The following FN1 variants were observed in gnomAD, a reference collection of about 807,000 sequenced individuals.
FN1 encodes fibronectin 1.
Under a neutral mutation model 297.3 loss-of-function variants are expected in FN1, and 106 were observed. The ratio of observed to expected loss-of-function variants is 0.36; its 90% confidence interval spans 0.30 to 0.42. The LOEUF is 0.42. Among genes scored for constraint, FN1 ranks in the 10% least tolerant of loss-of-function variants. FN1 has a pLI of 1.00. For missense variants in FN1, 2,690 were observed against 3,124.9 expected (o/e 0.86, Z 3.32); for synonymous variants, 1,149 against 1,152.6 (o/e 1.00, Z 0.06).
intron 33 of FN1, chr2:215,380,248 TC>T (rs1353750171): frequency 6.3e-6 from 1 of 159,154 alleles, no homozygotes; most frequent in Non-Finnish European, 1.4e-5. Flanking sequence ...CTAGGATACA[TC>T]TTTAGCATTC....
In FN1 at chr2:215,435,912, C is replaced by A; in HGVS notation, c.-110G>T. 1 of 1,455,692 alleles carries A rather than the reference C, an allele frequency of 6.9e-7. No individual in the cohort carries two copies. The highest frequency in any genetic ancestry group is 1.4e-5 in the South Asian group (1 of 71,268). 90.2% of individuals were successfully genotyped at this position (1,455,692 alleles called of 1,614,324 possible). On this transcript the variant is annotated 5_prime_UTR_variant, in exon 1 of 46. Transcript: ENST00000354785. ...CCTTCTAATGCCTCCCGGGGGTTGTCGCCTCCAAGAAGGTGGGGGCCAGAG... is the reference window on the plus strand; with the variant it reads ...CCTTCTAATGCCTCCCGGGGGTTGTAGCCTCCAAGAAGGTGGGGGCCAGAG...
chr2:215,426,393 C>T (rs183249187), intron 6 of FN1, among the ~76,000 whole-genome samples: 213 of 152,226 alleles, frequency 1.4e-3, no homozygotes, highest in African/African-American at 4.8e-3. Context: ...TGTGATCCAC[C>T]CGCCTTGGCC....
rs1342034659 is a variant in FN1 at position 215,361,051 on chromosome 2, A to T, written c.*504T>A. The T allele has an allele frequency of 6.3e-6, 1 of 157,552 alleles. No homozygotes were observed. Among genetic ancestry groups the T allele is most frequent in the African/African-American group, 2.4e-5 (1 of 41,466 alleles). 9.8% of individuals were successfully genotyped at this position (157,552 alleles called of 1,614,324 possible). A position where few individuals can be genotyped will look rare whatever the true frequency, so the allele number is the denominator to read the frequency against. On this transcript the variant is annotated 3_prime_UTR_variant, in exon 46 of 46. Coordinates refer to ENST00000354785, the MANE Select transcript of FN1 (RefSeq NM_212482.4). ...GAAAAATTGATAAATAACAGGTAAG[A>T]GAAAGATATTTCTAGGCAATTACTA...
At chr2:215,396,727 C>A (rs1361743172) in intron 23 of FN1, among the ~76,000 whole-genome samples, 1 of 152,138 alleles carries the variant, frequency 6.6e-6, no homozygotes, top group African/African-American at 2.4e-5. Context: ...TGGTGCAACC[C>A]ATGACAAAAC....
chr2:215,424,153 G>T lies in FN1; in HGVS notation c.1209C>A (p.Asp403Glu). The part of the protein sequence containing the change: ...EQDQKYSFCT[D>E]HTVLVQTRGG... The stretch of plus-strand genomic sequence containing the variant: ...CCCCCTTGGGACACTCACCAGTGTG[G>T]TCTGTGCAGAAAGAGTATTTCTGGT... Residue 403 changes from aspartate to glutamate, a missense_variant, in exon 8 of 46, where the codon GAC becomes GAA. Asp to Glu is a conservative substitution (Grantham distance 45). Transcript: ENST00000354785. The T allele has an allele frequency of 6.2e-7, 1 of 1,614,128 alleles. No individual in the cohort carries two copies. Among genetic ancestry groups the T allele is most frequent in the Non-Finnish European group, 8.5e-7 (1 of 1,179,994 alleles).
chr2:215,376,416 G>T, intron 36 of FN1, 82 bp downstream of exon 36: 1 of 1,228,990 alleles, frequency 8.1e-7, no homozygotes, highest in Non-Finnish European at 1.2e-6. Context: ...TTTTATCAGT[G>T]TCAGTCGTAG....
chr2:215,367,821 A>G (rs775845662), intron 42 of FN1, 42 bp downstream of exon 42: 7 of 1,605,510 alleles, frequency 4.4e-6, no homozygotes, highest in Non-Finnish European at 6.0e-6. Flanking sequence ...ATGGAACTTG[A>G]GGAGACAAAC....
intron 10 of FN1, 71 bp downstream of exon 10, chr2:215,422,020 T>C: frequency 2.7e-6 from 4 of 1,455,158 alleles, no homozygotes; most frequent in Non-Finnish European, 3.9e-6. Flanking sequence ...TAGTGCAAGT[T>C]TTCATAAAAA....
intron 7 of FN1, among the ~76,000 whole-genome samples, chr2:215,424,654 T>C (rs992872790): frequency 8.5e-5 from 13 of 152,208 alleles, no homozygotes; most frequent in African/African-American, 3.1e-4. Flanking sequence ...TATGACTATA[T>C]CTATGCCATA....
intron 28 of FN1, among the ~76,000 whole-genome samples, chr2:215,385,891 C>T (rs536103267): frequency 2.0e-5 from 3 of 151,346 alleles, no homozygotes; most frequent in African/African-American, 7.3e-5. Context: ...AATTCTCCTG[C>T]CTCAGCCTCC....
At chr2:215,426,320 T>G (rs1167346364) in intron 6 of FN1, among the ~76,000 whole-genome samples, 1 of 151,600 alleles carries the variant, frequency 6.6e-6, no homozygotes, top group Admixed American at 6.6e-5. Flanking sequence ...GGCTAATTTT[T>G]TGTATTTTTA....
rs375667567 is a variant in FN1, at chr2:215,379,144, C to A, written c.5608G>T (p.Val1870Leu). The change falls in exon 34 of 46, where the codon GTA (valine) becomes TTA (leucine). Residue 1870 changes from valine (V) to leucine (L), a missense_variant. Val to Leu is a conservative substitution (Grantham distance 32). Around this residue, in one of 3 missense-constraint regions of FN1, gnomAD observed 1,743 missense variants for 1,945.2 expected, o/e 0.90. Coordinates refer to ENST00000354785, the MANE Select transcript of FN1 (RefSeq NM_212482.4). ...TCATGTCTTACCATAAGTCCTGATA[C>A]AACCACGGATGAGCTGTCAGGAGCA... Reference protein sequence around the residue: ...NLAPDSSSVVVSGLMVATKYE... With the variant: ...NLAPDSSSVVLSGLMVATKYE... 6.2e-6 allele frequency: 10 copies of A among 1,614,062 alleles called. No homozygotes were observed. The African/African-American group carries it at 1.2e-4, about 19-fold the overall frequency.
intron 4 of FN1, among the ~76,000 whole-genome samples, chr2:215,431,374 T>C (rs1223356390): frequency 6.6e-6 from 1 of 152,190 alleles, no homozygotes; most frequent in East Asian, 1.9e-4. Context: ...AAAATTCAAC[T>C]GAGGATTGAG....
chr2:215,365,481 T>C (rs957105203), intron 43 of FN1, 24 bp downstream of exon 43: 2 of 1,612,850 alleles, frequency 1.2e-6, no homozygotes, highest in Non-Finnish European at 8.5e-7. Context: ...AATAAGGCAC[T>C]AAAAATGATC....
chr2:215,431,712 C>A (rs2066542342), intron 4 of FN1, 121 bp downstream of exon 4: 1 of 1,029,970 alleles, frequency 9.7e-7, no homozygotes, highest in Non-Finnish European at 1.5e-6. Flanking sequence ...AAACAAAATT[C>A]CCATTTCTTT....
intron 26 of FN1, 129 bp downstream of exon 26, chr2:215,391,503 T>G: frequency 1.3e-6 from 1 of 764,954 alleles, no homozygotes; most frequent in Non-Finnish European, 2.3e-6. Context: ...AGCTGTGCAT[T>G]GAATTCAGAG....
At position 215,404,627 on chromosome 2, in the gene FN1, A is replaced by G; in HGVS notation, c.3015T>C (p.Phe1005=). 6.2e-7 allele frequency: 1 copy of G among 1,614,084 alleles called. No individual in the cohort carries two copies. Among genetic ancestry groups the G allele is most frequent in the Non-Finnish European group, 8.5e-7 (1 of 1,179,914 alleles). ...GGACAGTAGAATCAGTTTCATTGAC[A>G]AACTGGAGGTTAGTGGGAGCATCCA... ...TKLDAPTNLQ[F]VNETDSTVLV... The change falls in exon 20 of 46, where the codon TTT becomes TTC. Residue 1005 remains phenylalanine, a synonymous_variant. Coordinates refer to ENST00000354785, the MANE Select transcript of FN1 (RefSeq NM_212482.4).
intron 25 of FN1, 110 bp downstream of exon 25, chr2:215,392,821 C>G: frequency 8.0e-7 from 1 of 1,247,340 alleles, no homozygotes; most frequent in Non-Finnish European, 1.2e-6. Context: ...CTATCTGAAT[C>G]TTTGGCCAAT....
At chr2:215,423,650 T>TA in intron 8 of FN1, 124 bp from the exon 9 acceptor site, 1 of 869,466 alleles carries the variant, frequency 1.2e-6, no homozygotes, top group Non-Finnish European at 1.9e-6. Flanking sequence ...TATCTCAGAA[T>TA]AAAAAATGTC....
Sources: allele counts gnomAD v4.1 joint callset (sites outside exome capture counted in the v4.1 genomes callset), GRCh38; gene constraint gnomAD v4.1.1; regional missense constraint gnomAD v4.1.1; transcripts MANE v1.5; gene names NCBI Gene and HGNC (gene_info 2026-07-23, HGNC 2026-07-21).